The following IFT122 variants were observed in gnomAD, a reference collection of about 807,000 sequenced individuals.
The protein encoded by IFT122 is intraflagellar transport protein 122 homolog.
Under a neutral mutation model 161.6 loss-of-function variants are expected in IFT122, and 118 were observed. That is an observed-to-expected ratio of 0.73 (90% CI 0.63 to 0.85). IFT122 has a LOEUF of 0.85. IFT122 is among the 40% of genes least tolerant of loss of function. IFT122 has a pLI of 0.00. For synonymous variants in IFT122, 550 were observed against 602.4 expected (o/e 0.91, Z 1.27); for missense variants, 1,381 against 1,579.6 (o/e 0.87, Z 2.13).
chr3:129,456,324 T>C, intron 3 of IFT122: 2 of 1,159,884 alleles, frequency 1.7e-6, no homozygotes, highest in South Asian at 1.5e-5. Flanking sequence ...CTCACCCTAA[T>C]ATCTACTATT....
intron 9 of IFT122, among the ~76,000 whole-genome samples, chr3:129,474,403 C>G (rs2077683156): frequency 6.6e-6 from 1 of 152,032 alleles, no homozygotes; most frequent in Non-Finnish European, 1.5e-5. Context: ...AAAAGACACC[C>G]TTGGGGCAGC....
chr3:129,441,880 G>T (rs1157994181), intron 1 of IFT122, among the ~76,000 whole-genome samples: 1 of 152,088 alleles, frequency 6.6e-6, no homozygotes, highest in East Asian at 1.9e-4. Context: ...ATGATAGCTG[G>T]CAACTGAACA....
intron 4 of IFT122, among the ~76,000 whole-genome samples, chr3:129,460,548 C>G (rs1201179126): frequency 1.3e-5 from 2 of 152,100 alleles, no homozygotes; most frequent in African/African-American, 2.4e-5. Context: ...GTGTGAGCCA[C>G]TGGGCTCAGC....
rs1009331489 is a variant in IFT122, at chr3:129,460,840, T to C, written c.273-388T>C. The C allele has an allele frequency of 6.2e-6, 10 of 1,606,490 alleles. No homozygotes were observed. In the Admixed American group the frequency reaches 1.3e-4, roughly 21 times the overall value. ...CAGCTTTCATTGTTGTCTAAGGATTTGTCATGTTTCCAGATCTTGGTCTGT... is the reference window on the plus strand; with the variant it reads ...CAGCTTTCATTGTTGTCTAAGGATTCGTCATGTTTCCAGATCTTGGTCTGT... On this transcript the variant is annotated intron_variant, in intron 4 of 29. Coordinates refer to ENST00000348417, the MANE Select transcript of IFT122 (RefSeq NM_052989.3).
chr3:129,444,091 A>G (rs914181445), intron 1 of IFT122, among the ~76,000 whole-genome samples: 2 of 152,214 alleles, frequency 1.3e-5, no homozygotes, highest in African/African-American at 4.8e-5. Flanking sequence ...CGCTTTGGAT[A>G]GACTGGCTTG....
intron 21 of IFT122, among the ~76,000 whole-genome samples, chr3:129,504,909 T>TCTCAC (rs3836538): frequency 0.22 from 33,497 of 151,844 alleles, 5,438 homozygotes; most frequent in East Asian, 0.49. Context: ...TGAGGCATGG[T>TCTCAC]CTCTACTGAG....
rs762822514 is a variant in IFT122 at position 129,512,428 on chromosome 3, T to G, written c.2987+16T>G. On this transcript the variant is annotated intron_variant, in intron 24 of 29. Transcript: ENST00000348417. The stretch of plus-strand genomic sequence containing the variant: ...TCTCTAAAGTGTATCCTTTCTCTTA[T>G]CCCTCCTCCGTCCCACCACCGTTCT... 6.5e-7 allele frequency: 1 copy of G among 1,540,442 alleles called. No homozygotes were observed. The highest frequency in any genetic ancestry group is 9.0e-7 in the Non-Finnish European group (1 of 1,112,732).
At position 129,476,940 on chromosome 3, in the gene IFT122, GTTTTCTTT is replaced by G; in HGVS notation, c.1147+144_1147+151del. The G allele has an allele frequency of 5.6e-6, 4 of 714,974 alleles. No homozygotes were observed. The South Asian group carries it at 6.0e-5, about 11-fold the overall frequency. The allele number at this position is 714,974 out of a possible 1,614,324, so 44.3% of individuals were successfully genotyped here. On this transcript the variant is annotated intron_variant, in intron 11 of 29. Transcript: ENST00000348417. ...CTGTTAGCCACTGGGTCTGTGTCTT[GTTTTCTTT>G]TTTTTTTTTTTTTGGTGGGGGAAGT...
chr3:129,514,073 G>A (rs372291709), intron 24 of IFT122: 1 of 420,856 alleles, frequency 2.4e-6, no homozygotes, highest in Middle Eastern at 3.4e-4. Context: ...TGGCTGGCAG[G>A]TTTGGTGAGG....
In IFT122 at chr3:129,507,735, T is replaced by C. The variant is rs2082331925; in HGVS notation, c.2859T>C (p.His953=). Residue 953 remains histidine, a synonymous_variant, in exon 23 of 30, where the codon CAT becomes CAC. Coordinates refer to ENST00000348417, the MANE Select transcript of IFT122 (RefSeq NM_052989.3). ...TCCAGCGTTTGGCAGAGCTGTACCA[T>C]GGTTACCATGCCATCCATCGCCACA... ...YHFQRLAELY[H]GYHAIHRHTE... 6.2e-7 allele frequency: 1 copy of C among 1,613,996 alleles called. No homozygotes were observed. The highest frequency in any genetic ancestry group is 1.3e-5 in the African/African-American group (1 of 74,946).
chr3:129,466,821 G>A lies in IFT122; in HGVS notation c.564-69G>A, dbSNP rs997836243. ...CCTGGCCCCCAGGGGCTCCTTGCCA[G>A]GATTTTAAATTATAGTTTTAGTGTA... On this transcript the variant is annotated intron_variant, in intron 7 of 29. Coordinates refer to ENST00000348417, the MANE Select transcript of IFT122 (RefSeq NM_052989.3). 3 of 1,518,336 alleles carry A rather than the reference G, an allele frequency of 2.0e-6. No homozygotes were observed. The African/African-American group carries it at 4.1e-5, about 21-fold the overall frequency. The allele number at this position is 1,518,336 out of a possible 1,614,324, so 94.1% of individuals were successfully genotyped here. A position where few individuals can be genotyped will look rare whatever the true frequency, so the allele number is the denominator to read the frequency against.
chr3:129,452,915 A>G (rs1259125781), intron 3 of IFT122, among the ~76,000 whole-genome samples: 3 of 152,110 alleles, frequency 2.0e-5, no homozygotes, highest in Non-Finnish European at 2.9e-5. Flanking sequence ...TCTGGATATA[A>G]TGGGAGGGTG....
intron 1 of IFT122, among the ~76,000 whole-genome samples, chr3:129,441,186 T>A (rs3138326): frequency 0.13 from 20,201 of 152,238 alleles, 1,719 homozygotes; most frequent in South Asian, 0.24. Flanking sequence ...TGGCCTGACT[T>A]TGAAAATCAT....
At chr3:129,465,658 C>T (rs1430587946) in intron 7 of IFT122, among the ~76,000 whole-genome samples, 2 of 79,156 alleles carry the variant, frequency 2.5e-5, no homozygotes, top group African/African-American at 1.0e-4. Context: ...TTTTTTGAGA[C>T]GGAGTCTCGC....
chr3:129,493,484 G>A (rs1362283925), intron 17 of IFT122, among the ~76,000 whole-genome samples: 3 of 152,216 alleles, frequency 2.0e-5, no homozygotes, highest in Non-Finnish European at 2.9e-5. Flanking sequence ...GGCAGGTACT[G>A]TTGCTCTCCC....
At chr3:129,442,452 T>G (rs2073344042) in intron 1 of IFT122, among the ~76,000 whole-genome samples, 1 of 152,148 alleles carries the variant, frequency 6.6e-6, no homozygotes, top group African/African-American at 2.4e-5. Flanking sequence ...TTCTGGTTTT[T>G]GGCCCATTAC....
intron 15 of IFT122, 198 bp from the exon 16 acceptor site, chr3:129,488,059 C>G: frequency 1.3e-6 from 1 of 768,506 alleles, no homozygotes. Context: ...GCACAGTAGC[C>G]CAGTCATGAG....
In IFT122 at chr3:129,458,664, A is replaced by C; in HGVS notation, c.259A>C (p.Ile87Leu). ...VIIWTSKLEG[I>L]LKYTHNDAIQ... ...TATCTGGACATCAAAACTGGAAGGC[A>C]TTCTGAAGTACACGTAAGTAACTTA... The change falls in exon 4 of 30, where the codon ATT becomes CTT. Residue 87 changes from isoleucine (I) to leucine (L), a missense_variant. Around this residue, in one of 7 missense-constraint regions of IFT122, gnomAD observed 134 missense variants for 137.4 expected, o/e 0.98. Transcript: ENST00000348417. 6.2e-7 allele frequency: 1 copy of C among 1,612,466 alleles called. No individual in the cohort carries two copies. The highest frequency in any genetic ancestry group is 8.5e-7 in the Non-Finnish European group (1 of 1,178,430).
rs1329075518 is a variant in IFT122, at chr3:129,483,685, A to G, written c.1851+3A>G. 1 of 1,585,640 alleles carries G rather than the reference A, an allele frequency of 6.3e-7. No individual in the cohort carries two copies. The highest frequency in any genetic ancestry group is 1.8e-5 in the Admixed American group (1 of 55,024). Reference sequence around the variant, plus strand: ...TTTCTGCCGTGGAGGTGCCGCAGGTAACTGGGGGTGCCTGTCCACTCTTAG... The same window carrying G: ...TTTCTGCCGTGGAGGTGCCGCAGGTGACTGGGGGTGCCTGTCCACTCTTAG... On this transcript the variant is annotated splice_donor_region_variant and intron_variant, in intron 15 of 29. Coordinates refer to ENST00000348417, the MANE Select transcript of IFT122 (RefSeq NM_052989.3).
Sources: allele counts gnomAD v4.1 joint callset (sites outside exome capture counted in the v4.1 genomes callset), GRCh38; gene constraint gnomAD v4.1.1; regional missense constraint gnomAD v4.1.1; transcripts MANE v1.5; gene names NCBI Gene and HGNC (gene_info 2026-07-23, HGNC 2026-07-21).